The following TEX15 variants were observed in gnomAD, a reference collection of about 807,000 sequenced individuals.
The protein encoded by TEX15 is testis-expressed protein 15.
TEX15 carries 171 observed loss-of-function variants against 237.3 expected under a neutral mutation model. The ratio of observed to expected loss-of-function variants is 0.72; its 90% confidence interval spans 0.64 to 0.82. TEX15 has a LOEUF of 0.82. Among genes scored for constraint, TEX15 ranks in the 40% least tolerant of loss-of-function variants. The pLI, the probability that TEX15 is intolerant of heterozygous loss-of-function variation, is 0.00. For missense variants in TEX15, 3,750 were observed against 3,646.5 expected (o/e 1.03, Z -0.73); for synonymous variants, 1,338 against 1,269.8 (o/e 1.05, Z -1.14).
Position 30,837,233 on chromosome 8 carries a change from A to AT in TEX15, c.9050dup (p.Asn3017LysfsTer2). The AT allele has an allele frequency of 6.2e-7, 1 of 1,614,208 alleles. No individual in the cohort carries two copies. The highest frequency in any genetic ancestry group is 8.5e-7 in the Non-Finnish European group (1 of 1,180,038). On this transcript the variant is annotated frameshift_variant, in exon 10 of 11. Coordinates refer to ENST00000643185, the MANE Select transcript of TEX15 (RefSeq NM_001350162.2). LOFTEE classifies it high-confidence loss of function. Reference sequence around the variant, plus strand: ...GGTTACATGCAGACTGTGGAAGTTCATTCCAATATGTGGCAGCATTCTGCA... The same window carrying AT: ...GGTTACATGCAGACTGTGGAAGTTCATTTCCAATATGTGGCAGCATTCTGCA...
In TEX15 at chr8:30,842,242, A is replaced by G. The variant is rs761334701; in HGVS notation, c.7925T>C (p.Leu2642Pro). ...LTISFFLCQMLYNRRKILQLK... is the reference protein window; with the variant it reads ...LTISFFLCQMPYNRRKILQLK... The stretch of plus-strand genomic sequence containing the variant: ...CTGTAAAATCTTCCTTCTGTTATAC[A>G]GCATTTGGCATAGGAAAAAGGAAAT... Residue 2642 changes from leucine to proline, a missense_variant, in exon 8 of 11, where the codon CTG (leucine) becomes CCG (proline). Transcript: ENST00000643185. 58 of 1,613,322 alleles carry G rather than the reference A, an allele frequency of 3.6e-5. No homozygotes were observed. Among genetic ancestry groups the G allele is most frequent in the South Asian group, 1.1e-5 (1 of 90,976 alleles).
rs1194326422 is a variant in TEX15 at position 30,877,076 on chromosome 8, TA to T, written c.137-1975del. 4.0e-5 allele frequency among the ~76,000 whole-genome samples: 6 copies of T among 151,872 alleles called. No homozygotes were observed. The East Asian group carries it at 7.7e-4, about 20-fold the overall frequency. On this transcript the variant is annotated intron_variant, in intron 3 of 10. Transcript: ENST00000643185. ...ACTGTGAGTCAATTAAATCTTTTAT[TA>T]AAAAAAATAGGACTAATACAACAAT...
rs1484106214 is a variant in TEX15 at position 30,842,668 on chromosome 8, T to C, written c.7499A>G (p.Asp2500Gly). 2 of 1,612,570 alleles carry C rather than the reference T, an allele frequency of 1.2e-6. No individual in the cohort carries two copies. The highest frequency in any genetic ancestry group is 3.3e-5 in the Admixed American group (2 of 59,972). Reference protein sequence around the residue: ...EKMASFSFLKDNSTDVCLWKV... With the variant: ...EKMASFSFLKGNSTDVCLWKV... ...CCAAAGGCAAACATCTGTTGAGTTA[T>C]CTTTAAGAAATGAAAAAGAAGCCAT... The change falls in exon 8 of 11, where the codon GAT (aspartate) becomes GGT (glycine). Residue 2500 changes from aspartate to glycine, a missense_variant. Asp to Gly is a moderately conservative substitution (Grantham distance 94). Coordinates refer to ENST00000643185, the MANE Select transcript of TEX15 (RefSeq NM_001350162.2).
In TEX15 at chr8:30,898,775, T is replaced by C. The variant is rs376243511; in HGVS notation, c.-43A>G. 6.6e-6 allele frequency: 1 copy of C among 152,216 alleles called. No individual in the cohort carries two copies. Among genetic ancestry groups the C allele is most frequent in the Non-Finnish European group, 1.5e-5 (1 of 68,032 alleles). The allele number at this position is 152,216 out of a possible 1,614,324, so 9.4% of individuals were successfully genotyped here. On this transcript the variant is annotated 5_prime_UTR_variant, in exon 2 of 11. Transcript: ENST00000643185. ...AATGGCATCCAGCATTACACAGTTA[T>C]AATCAGTACTCAGTCCATACATGAA...
At position 30,844,184 on chromosome 8, in the gene TEX15, C is replaced by T. The variant is rs1807531470; in HGVS notation, c.5983G>A (p.Ala1995Thr). ...ATTTGAGATAGATTAGCTATAAGGG[C>T]CGTATGATTAGCTGAGCAATGTTTT... ...KEKHCSANHT[A>T]LIANLSQILQ... is the part of the protein sequence containing the mutation. The change falls in exon 8 of 11, where the codon GCC becomes ACC. Residue 1995 changes from alanine (A) to threonine (T), a missense_variant. Physicochemically the swap from Ala to Thr is moderately conservative, Grantham distance 58. Coordinates refer to ENST00000643185, the MANE Select transcript of TEX15 (RefSeq NM_001350162.2). 1.2e-6 allele frequency: 2 copies of T among 1,612,420 alleles called. No individual in the cohort carries two copies. Among genetic ancestry groups the T allele is most frequent in the African/African-American group, 1.3e-5 (1 of 74,916 alleles).
chr8:30,881,616 A>AT lies in TEX15; in HGVS notation c.136+5550dup, dbSNP rs199820564. The stretch of plus-strand genomic sequence containing the variant: ...AATTATCCTTCCATCTTGACTTTTT[A>AT]TTTTTTTTTATTATTTTTTTTTTTT... On this transcript the variant is annotated intron_variant, in intron 3 of 10. Coordinates refer to ENST00000643185, the MANE Select transcript of TEX15 (RefSeq NM_001350162.2). Among the ~76,000 whole-genome samples the AT allele has an allele frequency of 1.0e-4, 9 of 86,878 alleles. 1 individual carries two copies. Among genetic ancestry groups the AT allele is most frequent in the African/African-American group, 4.8e-4 (5 of 10,394 alleles). The allele number at this position is 86,878 out of a possible 152,430, so 57.0% of individuals were successfully genotyped here.
Position 30,847,458 on chromosome 8 carries a change from C to A in TEX15, c.2709G>T (p.Glu903Asp). 1 of 1,610,554 alleles carries A rather than the reference C, an allele frequency of 6.2e-7. No homozygotes were observed. Among genetic ancestry groups the A allele is most frequent in the Non-Finnish European group, 8.5e-7 (1 of 1,179,322 alleles). ...TTTCTATATTGTGGTAATTTTTGTC[C>A]TCCTTTTCATCTATATTGCTGAAAT... Reference protein sequence around the residue: ...NENFSNIDEKEDKNYHNIEIL... With the variant: ...NENFSNIDEKDDKNYHNIEIL... Residue 903 changes from glutamate to aspartate, a missense_variant, in exon 8 of 11, where the codon GAG (glutamate) becomes GAT (aspartate). Physicochemically the swap from Glu to Asp is conservative, Grantham distance 45. Coordinates refer to ENST00000643185, the MANE Select transcript of TEX15 (RefSeq NM_001350162.2).
At chr8:30,890,257 G>A (rs1284418657) in intron 2 of TEX15, among the ~76,000 whole-genome samples, 2 of 151,860 alleles carry the variant, frequency 1.3e-5, no homozygotes, top group Admixed American at 1.3e-4. Flanking sequence ...TGTATGTTAT[G>A]AACAACTTTA....
At chr8:30,891,211 A>AC (rs1332804566) in intron 2 of TEX15, among the ~76,000 whole-genome samples, 1 of 152,066 alleles carries the variant, frequency 6.6e-6, no homozygotes, top group Non-Finnish European at 1.5e-5. Flanking sequence ...GAGTGAGGGC[A>AC]CCGTCATGGG....
chr8:30,837,035 A>G lies in TEX15; in HGVS notation c.9249T>C (p.Thr3083=). ...GAAGATTAGAATGTGTGCCCTGGGC[A>G]GTACTTGCAACTGTGGTCAACAGCC... is the stretch of plus-strand genomic sequence containing the variant. ...PSGLLTTVAS[T]AQGTHSNLLY... The change falls in exon 10 of 11, where the codon ACT becomes ACC. Residue 3083 remains threonine (T), a synonymous_variant. Coordinates refer to ENST00000643185, the MANE Select transcript of TEX15 (RefSeq NM_001350162.2). 6.2e-7 allele frequency: 1 copy of G among 1,614,184 alleles called. No homozygotes were observed.
chr8:30,895,266 C>G (rs1808875263), intron 2 of TEX15, among the ~76,000 whole-genome samples: 1 of 144,556 alleles, frequency 6.9e-6, no homozygotes, highest in Non-Finnish European at 1.5e-5. Flanking sequence ...CCACTGCACT[C>G]CAGCCTAGGC....
At position 30,846,998 on chromosome 8, in the gene TEX15, A is replaced by G. The variant is rs1248132738; in HGVS notation, c.3169T>C (p.Leu1057=). ...NENLVLQSIE[L]ESEIEIELED... ...AATTCTATTTCAATTTCACTTTCCA[A>G]TTCAATGCTCTGAAGAACTAAGTTC... The change falls in exon 8 of 11, where the codon TTG becomes CTG. Residue 1057 remains leucine, a synonymous_variant. Transcript: ENST00000643185. 2 of 1,613,610 alleles carry G rather than the reference A, an allele frequency of 1.2e-6. No homozygotes were observed. Among genetic ancestry groups the G allele is most frequent in the South Asian group, 2.2e-5 (2 of 91,046 alleles).
chr8:30,849,811 A>G (rs1387236241), intron 7 of TEX15, among the ~76,000 whole-genome samples: 2 of 152,086 alleles, frequency 1.3e-5, no homozygotes, highest in East Asian at 3.9e-4. Flanking sequence ...AGGTAGGAGA[A>G]TTGCTTGAAC....
intron 3 of TEX15, among the ~76,000 whole-genome samples, chr8:30,880,277 G>C (rs1277574360): frequency 1.3e-5 from 2 of 152,148 alleles, no homozygotes; most frequent in Admixed American, 1.3e-4. Context: ...TGATTCACCT[G>C]CCTCAGCCTC....
intron 10 of TEX15, among the ~76,000 whole-genome samples, chr8:30,835,013 T>C (rs368845001): frequency 6.6e-6 from 1 of 152,154 alleles, no homozygotes; most frequent in Non-Finnish European, 1.5e-5. Context: ...CTCACACCTG[T>C]AATCCCACAC....
intron 3 of TEX15, among the ~76,000 whole-genome samples, chr8:30,883,976 C>G (rs760506757): frequency 5.9e-5 from 9 of 152,100 alleles, no homozygotes; most frequent in Non-Finnish European, 1.3e-4. Flanking sequence ...TTGCTTGATT[C>G]TTGGGATCAA....
At chr8:30,883,601 T>C (rs1178610497) in intron 3 of TEX15, among the ~76,000 whole-genome samples, 1 of 152,040 alleles carries the variant, frequency 6.6e-6, no homozygotes, top group Non-Finnish European at 1.5e-5. Context: ...TGAGAACATG[T>C]GGTGTTTGGT....
intron 7 of TEX15, among the ~76,000 whole-genome samples, chr8:30,852,837 T>C (rs900860410): frequency 1.3e-5 from 2 of 152,226 alleles, no homozygotes; most frequent in Middle Eastern, 3.2e-3. Flanking sequence ...TATTCAGTGA[T>C]GATGGAAATG....
chr8:30,872,446 ATGAC>A (rs1808310508), intron 4 of TEX15, among the ~76,000 whole-genome samples: 2 of 152,254 alleles, frequency 1.3e-5, no homozygotes, highest in South Asian at 2.1e-4. Flanking sequence ...TTAATAATAA[ATGAC>A]TATGTTGTTG....
Sources: allele counts gnomAD v4.1 joint callset (sites outside exome capture counted in the v4.1 genomes callset), GRCh38; gene constraint gnomAD v4.1.1; transcripts MANE v1.5; gene names NCBI Gene and HGNC (gene_info 2026-07-23, HGNC 2026-07-21).